Variants in HSD17B12 observed in about 807,000 individuals in gnomAD.
The protein encoded by HSD17B12 is hydroxysteroid 17-beta dehydrogenase 12, also known as very-long-chain 3-oxoacyl-CoA reductase.
In HSD17B12, 32 loss-of-function variants were observed where a neutral mutation model predicts 39.3. That is an observed-to-expected ratio of 0.81 (90% CI 0.61 to 1.09). HSD17B12 has a LOEUF of 1.09. HSD17B12 is among the 50% of genes least tolerant of loss of function. HSD17B12 has a pLI of 0.00. For missense variants in HSD17B12, 342 were observed against 382.9 expected, an observed-to-expected ratio of 0.89 and a Z score of 0.89; for synonymous variants, 150 against 146.7, an observed-to-expected ratio of 1.02 and a Z score of -0.16.
the HSD17B12 span, among the ~76,000 whole-genome samples, chr11:43,565,725 A>T: frequency 2.6e-5 from 4 of 152,132 alleles, no homozygotes; most frequent in African/African-American, 9.7e-5. Flanking sequence ...ATATGTAATG[A>T]CTCCCTTTTG....
the HSD17B12 span, among the ~76,000 whole-genome samples, chr11:43,606,872 A>C: frequency 2.6e-4 from 39 of 152,320 alleles, no homozygotes; most frequent in African/African-American, 8.7e-4. Flanking sequence ...CCACATAAAA[A>C]TCAGATGACT....
At chr11:43,840,432 A>G (rs1036297118) in intron 9 of HSD17B12, among the ~76,000 whole-genome samples, 4 of 152,092 alleles carry the variant, frequency 2.6e-5, no homozygotes, top group Non-Finnish European at 4.4e-5. Flanking sequence ...ATGCAGTTCA[A>G]TGGCATTAAG....
chr11:43,832,166 T>C (rs965649861), intron 7 of HSD17B12, among the ~76,000 whole-genome samples: 1 of 152,200 alleles, frequency 6.6e-6, no homozygotes, highest in Non-Finnish European at 1.5e-5. Flanking sequence ...GATGGTCAGA[T>C]ATATAAATGG....
the HSD17B12 span, among the ~76,000 whole-genome samples, chr11:43,639,301 G>A: frequency 1.3e-5 from 2 of 152,216 alleles, no homozygotes; most frequent in Admixed American, 1.3e-4. Flanking sequence ...ACCTTGCTGG[G>A]AGAAAGGCTT....
chr11:43,855,007 T>C, intron 10 of HSD17B12, 137 bp from the exon 11 acceptor site: 4 of 1,066,606 alleles, frequency 3.8e-6, no homozygotes, highest in Non-Finnish European at 5.4e-6. Flanking sequence ...GTTATAATTA[T>C]AATGGTCGTA....
intron 6 of HSD17B12, among the ~76,000 whole-genome samples, chr11:43,826,361 G>A (rs6485468): frequency 0.64 from 96,627 of 151,866 alleles, 31,194 homozygotes; most frequent in East Asian, 0.71. Flanking sequence ...GGGATTACAG[G>A]CATGAGCCAC....
At chr11:43,661,770 T>G in the HSD17B12 span, among the ~76,000 whole-genome samples, 2 of 152,208 alleles carry the variant, frequency 1.3e-5, no homozygotes, top group East Asian at 3.8e-4. Context: ...GGACATTATT[T>G]AAATCTATGA....
the HSD17B12 span, among the ~76,000 whole-genome samples, chr11:43,604,123 A>G: frequency 3.3e-5 from 5 of 152,142 alleles, no homozygotes; most frequent in Non-Finnish European, 7.4e-5. Context: ...ATTAATTCCC[A>G]GATATATTTA....
intron 1 of HSD17B12, among the ~76,000 whole-genome samples, chr11:43,720,052 G>C (rs916639409): frequency 2.6e-5 from 4 of 152,102 alleles, no homozygotes; most frequent in African/African-American, 7.2e-5. Context: ...AAGATTCTTC[G>C]AAGTCCCTTT....
chr11:43,777,422 T>C (rs945907392), intron 3 of HSD17B12, among the ~76,000 whole-genome samples: 7 of 152,210 alleles, frequency 4.6e-5, no homozygotes, highest in Non-Finnish European at 7.3e-5. Flanking sequence ...GTTGTTGGTG[T>C]ATAAGGATGC....
chr11:43,750,155 C>CA (rs1211844360), intron 1 of HSD17B12, among the ~76,000 whole-genome samples: 1 of 152,076 alleles, frequency 6.6e-6, no homozygotes, highest in Non-Finnish European at 1.5e-5. Flanking sequence ...TCTACACACA[C>CA]ACAGTAGTAA....
intron 1 of HSD17B12, among the ~76,000 whole-genome samples, chr11:43,719,699 T>A (rs1405969652): frequency 1.3e-5 from 2 of 152,106 alleles, no homozygotes; most frequent in Non-Finnish European, 2.9e-5. Flanking sequence ...TACATTGTTT[T>A]GTAAGACTAT....
At chr11:43,591,489 G>A in the HSD17B12 span, among the ~76,000 whole-genome samples, 1 of 152,022 alleles carries the variant, frequency 6.6e-6, no homozygotes, top group African/African-American at 2.4e-5. Flanking sequence ...ACAAACAAAT[G>A]AGATTTTAAA....
At chr11:43,817,351 A>G (rs957248677) in intron 6 of HSD17B12, among the ~76,000 whole-genome samples, 1 of 151,982 alleles carries the variant, frequency 6.6e-6, no homozygotes, top group African/African-American at 2.4e-5. Flanking sequence ...AGTTTAATGA[A>G]TGAGTCCTAG....
At chr11:43,648,495 C>G in the HSD17B12 span, among the ~76,000 whole-genome samples, 2 of 151,998 alleles carry the variant, frequency 1.3e-5, no homozygotes, top group African/African-American at 4.8e-5. Context: ...AAGAGAGATG[C>G]ATGATTTGGC....
At chr11:43,843,780 C>A (rs1951449055) in intron 9 of HSD17B12, among the ~76,000 whole-genome samples, 1 of 152,186 alleles carries the variant, frequency 6.6e-6, no homozygotes, top group African/African-American at 2.4e-5. Context: ...TTGGTTAGGC[C>A]TTTCTTTGGG....
At chr11:43,616,732 A>T in the HSD17B12 span, among the ~76,000 whole-genome samples, 2 of 140,322 alleles carry the variant, frequency 1.4e-5, no homozygotes, top group African/African-American at 5.3e-5. Context: ...TTTAACCTCT[A>T]TGCTGCCTTC....
chr11:43,725,403 G>A (rs929093044), intron 1 of HSD17B12, among the ~76,000 whole-genome samples: 1 of 152,200 alleles, frequency 6.6e-6, no homozygotes, highest in African/African-American at 2.4e-5. Flanking sequence ...CATAATAACA[G>A]TAATAACAAT....
the HSD17B12 span, among the ~76,000 whole-genome samples, chr11:43,613,358 C>T: frequency 6.6e-6 from 1 of 151,576 alleles, no homozygotes; most frequent in African/African-American, 2.4e-5. Flanking sequence ...TATCATCGCA[C>T]TCCAGCCTGG....
Sources: allele counts gnomAD v4.1 joint callset (sites outside exome capture counted in the v4.1 genomes callset), GRCh38; gene constraint gnomAD v4.1.1; transcripts MANE v1.5; gene names NCBI Gene and HGNC (gene_info 2026-07-23, HGNC 2026-07-21).